Variants in PRKCE observed in about 807,000 individuals in gnomAD.
PRKCE encodes protein kinase C epsilon type.
In PRKCE, 16 loss-of-function variants were observed where a neutral mutation model predicts 85.4. The observed-to-expected ratio is 0.19, with a 90% confidence interval of 0.13 to 0.28. PRKCE has a LOEUF of 0.28. Ranked by LOEUF, PRKCE falls within the 10% of genes least tolerant of loss-of-function variation. The probability of loss-of-function intolerance (pLI) is 1.00; values close to 1 mark genes in which losing one functional copy is unlikely to be tolerated. For synonymous variants in PRKCE, 388 were observed against 371.5 expected, an observed-to-expected ratio of 1.04 and a Z score of -0.51; for missense variants, 573 against 975.2, an observed-to-expected ratio of 0.59 and a Z score of 5.49.
intron 2 of PRKCE, among the ~76,000 whole-genome samples, chr2:45,963,322 T>A (rs1209658917): frequency 6.6e-6 from 1 of 152,202 alleles, no homozygotes; most frequent in Admixed American, 6.5e-5. Context: ...ATTTATTTAT[T>A]TTTTTAGACC....
rs1678240240 is a variant in PRKCE at position 45,697,364 on chromosome 2, C to G, written c.348+44916C>G. Among the ~76,000 whole-genome samples, 1 of 150,136 alleles carries G rather than the reference C, an allele frequency of 6.7e-6. No individual in the cohort carries two copies. Among genetic ancestry groups the G allele is most frequent in the South Asian group, 2.1e-4 (1 of 4,720 alleles). On this transcript the variant is annotated intron_variant, in intron 1 of 14. Coordinates refer to ENST00000306156, the MANE Select transcript of PRKCE (RefSeq NM_005400.3). This position sits in a 1 kb window ranked among gnomAD's most constrained non-coding sequence, Gnocchi z 4.2. ...GCTGACGCTGTTGCCCTCTCTGCCT[C>G]TTAATGGCGCTCTGACCTTCTATTG... is the stretch of plus-strand genomic sequence containing the variant.
intron 8 of PRKCE, among the ~76,000 whole-genome samples, chr2:46,006,040 C>G (rs1289626021): frequency 2.0e-5 from 3 of 152,190 alleles, no homozygotes; most frequent in Admixed American, 6.5e-5. Flanking sequence ...GCTCTGAGCT[C>G]TGCCATTGGA....
At chr2:45,866,485 T>A (rs1168165738) in intron 2 of PRKCE, among the ~76,000 whole-genome samples, 1 of 152,102 alleles carries the variant, frequency 6.6e-6, no homozygotes, top group African/African-American at 2.4e-5. Flanking sequence ...TTTTTTGTAT[T>A]TTTAGTAGAG....
rs1682738358 is a variant in PRKCE at position 45,743,330 on chromosome 2, C to G, written c.348+90882C>G. 4.6e-5 allele frequency among the ~76,000 whole-genome samples: 7 copies of G among 152,276 alleles called. No homozygotes were observed. In the South Asian group the frequency reaches 1.5e-3, roughly 32 times the overall value. ...TAGCTTGATTGTGGTAATTACTTCACAATGTGCACTTATATCAAAACATCG... is the reference window on the plus strand; with the variant it reads ...TAGCTTGATTGTGGTAATTACTTCAGAATGTGCACTTATATCAAAACATCG... On this transcript the variant is annotated intron_variant, in intron 1 of 14. Transcript: ENST00000306156.
intron 1 of PRKCE, among the ~76,000 whole-genome samples, chr2:45,667,564 T>TA (rs1319559343): frequency 2.0e-5 from 3 of 151,764 alleles, no homozygotes; most frequent in Admixed American, 6.6e-5. Context: ...TGTAGTATTG[T>TA]AAAAAAAATT....
intron 1 of PRKCE, among the ~76,000 whole-genome samples, chr2:45,810,202 G>A (rs188289449): frequency 0.022 from 3,352 of 151,316 alleles, 125 homozygotes; most frequent in African/African-American, 0.078. Context: ...CACCATGCCC[G>A]GCTAATTTTT....
intron 1 of PRKCE, chr2:45,770,679 G>A (rs906629868): frequency 2.0e-5 from 3 of 152,204 alleles, no homozygotes; most frequent in African/African-American, 7.2e-5. Context: ...ACAGCGAGAA[G>A]CCCAGGGGCT....
chr2:45,888,928 C>G (rs1448689895), intron 2 of PRKCE, among the ~76,000 whole-genome samples: 4 of 152,142 alleles, frequency 2.6e-5, no homozygotes, highest in Non-Finnish European at 5.9e-5. Flanking sequence ...GTGGGGAGAC[C>G]TTGACCAGCA....
In PRKCE at chr2:46,118,067, G is replaced by A. The variant is rs1314354738; in HGVS notation, c.1593-27026G>A. On this transcript the variant is annotated intron_variant, in intron 11 of 14. Transcript: ENST00000306156. ...AATTACATAAAACAAGGGGATTAAT[G>A]TGAACAATAAGAAAAAATGTTGACC... Among the ~76,000 whole-genome samples the A allele has an allele frequency of 2.6e-5, 4 of 152,194 alleles. No homozygotes were observed. The East Asian group carries it at 5.8e-4, about 22-fold the overall frequency.
chr2:46,179,569 C>T (rs371422855), intron 14 of PRKCE, among the ~76,000 whole-genome samples: 7 of 152,156 alleles, frequency 4.6e-5, no homozygotes, highest in Admixed American at 2.6e-4. Context: ...CAGAGGGAAT[C>T]GGAATGTTGT....
At chr2:45,932,200 C>A (rs899780945) in intron 2 of PRKCE, among the ~76,000 whole-genome samples, 1 of 152,162 alleles carries the variant, frequency 6.6e-6, no homozygotes, top group Non-Finnish European at 1.5e-5. Flanking sequence ...ACTGTTGTGT[C>A]TGGTTTTTCA....
chr2:45,700,358 C>G (rs1195178777), intron 1 of PRKCE, among the ~76,000 whole-genome samples: 1 of 151,798 alleles, frequency 6.6e-6, no homozygotes, highest in Non-Finnish European at 1.5e-5. Flanking sequence ...AGCAGAGGTC[C>G]TGGGTAGGGG....
chr2:45,673,547 C>T (rs1008033318), intron 1 of PRKCE, among the ~76,000 whole-genome samples: 8 of 152,022 alleles, frequency 5.3e-5, no homozygotes, highest in East Asian at 3.9e-4. Context: ...AAAGTTAATA[C>T]GACATATTTA....
At chr2:46,008,649 A>G (rs1041148100) in intron 9 of PRKCE, among the ~76,000 whole-genome samples, 1 of 152,106 alleles carries the variant, frequency 6.6e-6, no homozygotes, top group South Asian at 2.1e-4. Context: ...ACCTGCCCCT[A>G]TCTCACCCTG....
intron 14 of PRKCE, among the ~76,000 whole-genome samples, chr2:46,181,808 C>T (rs954102876): frequency 1.3e-5 from 2 of 152,158 alleles, no homozygotes; most frequent in African/African-American, 2.4e-5. Flanking sequence ...TGGGAGGGAG[C>T]TGGGGATGAT....
At chr2:46,025,797 A>G (rs2104910664) in intron 10 of PRKCE, among the ~76,000 whole-genome samples, 1 of 152,324 alleles carries the variant, frequency 6.6e-6, no homozygotes, top group South Asian at 2.1e-4. Context: ...AGCCCTGTCC[A>G]AGGCAGATCT....
rs770831489 is a variant in PRKCE at position 46,007,479 on chromosome 2, A to G, written c.1081A>G (p.Asn361Asp). The change falls in exon 9 of 15, where the codon AAC becomes GAC. Residue 361 changes from asparagine to aspartate, a missense_variant. Physicochemically the swap from Asn to Asp is conservative, Grantham distance 23. Around this residue, in one of 11 missense-constraint regions of PRKCE, gnomAD observed 117 missense variants for 104.8 expected, o/e 1.12. Coordinates refer to ENST00000306156, the MANE Select transcript of PRKCE (RefSeq NM_005400.3). Reference protein sequence around the residue: ...PCDQEIKELENNIRKALSFDN... With the variant: ...PCDQEIKELEDNIRKALSFDN... ...GGCCCTAGAAATAAAAGAACTTGAG[A>G]ACAACATTCGGAAAGCCTTGTCATT... The G allele has an allele frequency of 1.8e-5, 29 of 1,599,780 alleles. No individual in the cohort carries two copies. Among genetic ancestry groups the G allele is most frequent in the Non-Finnish European group, 2.0e-5 (24 of 1,179,956 alleles).
At chr2:46,075,318 G>A (rs1437248708) in intron 10 of PRKCE, among the ~76,000 whole-genome samples, 1 of 152,028 alleles carries the variant, frequency 6.6e-6, no homozygotes, top group East Asian at 2.0e-4. Flanking sequence ...TTACAGGCGT[G>A]AGCCACCGTG....
chr2:46,098,290 GT>G (rs1429341748), intron 11 of PRKCE, among the ~76,000 whole-genome samples: 2 of 152,066 alleles, frequency 1.3e-5, no homozygotes, highest in African/African-American at 4.8e-5. Flanking sequence ...CTAAACCTCA[GT>G]TCCTTCATCT....
Sources: gnomAD v4.1 joint callset for allele counts (sites outside exome capture counted in the v4.1 genomes callset) on GRCh38, gnomAD v4.1.1 for gene constraint, gnomAD v4.1.1 regional missense constraint, Gnocchi (gnomAD v3.1) non-coding constraint, MANE v1.5 for transcripts, NCBI Gene and HGNC (gene_info 2026-07-23, HGNC 2026-07-21) for gene names.